Variants in MCM7 observed in about 807,000 individuals in gnomAD.
MCM7 encodes the protein DNA replication licensing factor MCM7.
In MCM7, 95 loss-of-function variants were observed where a neutral mutation model predicts 83.5. The ratio of observed to expected loss-of-function variants is 1.14; its 90% CI spans 0.96 to 1.35. The LOEUF is 1.35. Ranked by LOEUF, MCM7 falls within the 40% of genes most tolerant of loss-of-function variation. The probability of loss-of-function intolerance (pLI) is 0.00; values close to 1 mark genes in which losing one functional copy is unlikely to be tolerated. For missense variants in MCM7, 1,087 were observed against 957.4 expected (o/e 1.14, Z -1.79); for synonymous variants, 461 against 352.7 (o/e 1.31, Z -3.44).
chr7:100,098,814 TGTAA>T (rs1795779784), intron 5 of MCM7, 99 bp from the exon 6 acceptor site: 23 of 1,510,022 alleles, frequency 1.5e-5, no homozygotes, highest in South Asian at 7.1e-5. Flanking sequence ...GCAGACATCT[TGTAA>T]GTGTCAAGAA....
intron 9 of MCM7, 63 bp downstream of exon 9, chr7:100,097,551 G>A (rs1238888925): frequency 5.0e-6 from 8 of 1,609,564 alleles, no homozygotes; most frequent in Non-Finnish European, 6.8e-6. Context: ...AGGGACACTT[G>A]TCATCCTTTT....
chr7:100,093,516 A>C, intron 13 of MCM7, 115 bp from the exon 14 acceptor site: 2 of 934,994 alleles, frequency 2.1e-6, no homozygotes, highest in Non-Finnish European at 3.6e-6. Flanking sequence ...CCTACTCACA[A>C]AACAGGAGTG....
Position 100,099,078 on chromosome 7 carries a change from T to C in MCM7, c.527A>G (p.Lys176Arg). The C allele has an allele frequency of 6.2e-7, 1 of 1,614,210 alleles. No homozygotes were observed. Among genetic ancestry groups the C allele is most frequent in the Non-Finnish European group, 8.5e-7 (1 of 1,180,048 alleles). ...ACAAGTGTAAGTGGCCACCACCATC[T>C]TGGGTTTGACTTCAGAGACACGAGT... is the stretch of plus-strand genomic sequence containing the variant. ...IVTRVSEVKP[K>R]MVVATYTCDQ... Residue 176 changes from lysine (K) to arginine (R), a missense_variant, in exon 5 of 15, where the codon AAG becomes AGG. Transcript: ENST00000303887.
rs1391515309 is a variant in MCM7, at chr7:100,100,103, G to A, written c.32-10C>T. ...AACTTCTTAACCTTTTCTGTAACATGAAATGTAAAACCGTAAGACACAAAC... is the reference window on the plus strand; with the variant it reads ...AACTTCTTAACCTTTTCTGTAACATAAAATGTAAAACCGTAAGACACAAAC... On this transcript the variant is annotated splice_polypyrimidine_tract_variant and intron_variant, in intron 1 of 14. Coordinates refer to ENST00000303887, the MANE Select transcript of MCM7 (RefSeq NM_005916.5). 19 of 1,613,260 alleles carry A rather than the reference G, an allele frequency of 1.2e-5. No individual in the cohort carries two copies. Among genetic ancestry groups the A allele is most frequent in the East Asian group, 2.2e-5 (1 of 44,878 alleles).
At chr7:100,095,498 A>G in intron 11 of MCM7, 28 bp from the exon 12 acceptor site, 1 of 1,607,544 alleles carries the variant, frequency 6.2e-7, no homozygotes, top group Non-Finnish European at 8.5e-7. Flanking sequence ...TAGAAGGAAC[A>G]CCCTTTTTAG....
rs1445688429 is a variant in MCM7, at chr7:100,099,311, C to T, written c.369G>A (p.Gln123=). 6 of 1,613,546 alleles carry T rather than the reference C, an allele frequency of 3.7e-6. No individual in the cohort carries two copies. Among genetic ancestry groups the T allele is most frequent in the African/African-American group, 1.3e-5 (1 of 74,778 alleles). Residue 123 remains glutamine, a synonymous_variant, in exon 4 of 15, where the codon CAG becomes CAA. Coordinates refer to ENST00000303887, the MANE Select transcript of MCM7 (RefSeq NM_005916.5). ...GCATGAGTTCAGCAGGGTACTGGTT[C>T]TGGGGGCTTCGGACCATCCCAGGGT... The part of the protein sequence containing the change: ...SRDPGMVRSP[Q]NQYPAELMRR...
chr7:100,097,658 A>G lies in MCM7; in HGVS notation c.1073T>C (p.Leu358Pro). ...AGGAGACTGGTCCACACCCCCGACT[A>G]GCAGGAGCAGCAGTGCCTTCTTCAC... ...EDVKKALLLL[L>P]VGGVDQSPRG... is the part of the protein sequence containing the mutation. Residue 358 changes from leucine (L) to proline (P), a missense_variant, in exon 9 of 15, where the codon CTA (leucine) becomes CCA (proline). Physicochemically the swap from Leu to Pro is moderately conservative, Grantham distance 98 (BLOSUM62 -3). Coordinates refer to ENST00000303887, the MANE Select transcript of MCM7 (RefSeq NM_005916.5). The G allele has an allele frequency of 6.2e-7, 1 of 1,614,132 alleles. No homozygotes were observed. Among genetic ancestry groups the G allele is most frequent in the Non-Finnish European group, 8.5e-7 (1 of 1,180,032 alleles).
At chr7:100,096,531 G>A (rs545483647) in intron 10 of MCM7, among the ~76,000 whole-genome samples, 6 of 152,178 alleles carry the variant, frequency 3.9e-5, no homozygotes, top group Non-Finnish European at 7.3e-5. Flanking sequence ...CAGCACTTTC[G>A]GAGGCCGATA....
chr7:100,097,977 T>A, intron 7 of MCM7, 29 bp from the exon 8 acceptor site: 1 of 1,602,864 alleles, frequency 6.2e-7, no homozygotes, highest in Non-Finnish European at 8.5e-7. Context: ...AGGATACAGA[T>A]GTAATCCCTT....
chr7:100,099,506 A>G, intron 3 of MCM7, 83 bp downstream of exon 3: 1 of 1,587,562 alleles, frequency 6.3e-7, no homozygotes, highest in South Asian at 1.1e-5. Context: ...CTGCCTGCTC[A>G]GAAAACATCA....
At chr7:100,097,157 T>C in intron 10 of MCM7, 144 bp downstream of exon 10, 1 of 719,472 alleles carries the variant, frequency 1.4e-6, no homozygotes, top group Non-Finnish European at 2.3e-6. Context: ...GGTCTCAAAA[T>C]CCTCGCCTCA....
At chr7:100,097,998 A>G (rs1335439522) in intron 7 of MCM7, 50 bp from the exon 8 acceptor site, 1 of 1,591,254 alleles carries the variant, frequency 6.3e-7, no homozygotes, top group East Asian at 2.2e-5. Flanking sequence ...CAACTTGCCC[A>G]TCACTGGATT....
rs749189763 is a variant in MCM7, at chr7:100,099,418, CAA to C, written c.277-17_277-16del. 0.013 allele frequency: 16,202 copies of C among 1,237,124 alleles called. 1 individual carries two copies. Among genetic ancestry groups the C allele is most frequent in the Non-Finnish European group, 0.014 (13,197 of 960,716 alleles). The allele number at this position is 1,237,124 out of a possible 1,614,324, so 76.6% of individuals were successfully genotyped here. ...TTATTTACCACCTAAAGGAGAAGAA[CAA>C]AAAAAAAAAAAAAAAAGAGCAACAG... On this transcript the variant is annotated splice_polypyrimidine_tract_variant and intron_variant, in intron 3 of 14. Coordinates refer to ENST00000303887, the MANE Select transcript of MCM7 (RefSeq NM_005916.5).
rs750239872 is a variant in MCM7 at position 100,099,689 on chromosome 7, T to G, written c.176A>C (p.Asp59Ala). ...ACAAATTGAGTCCACCAACTCGGGGTCATCCTCGGCTACGTCGTCCAGGTC... is the reference window on the plus strand; with the variant it reads ...ACAAATTGAGTCCACCAACTCGGGGGCATCCTCGGCTACGTCGTCCAGGTC... ...YVDLDDVAED[D>A]PELVDSICEN... is the part of the protein sequence containing the mutation. The change falls in exon 3 of 15, where the codon GAC becomes GCC. Residue 59 changes from aspartate to alanine, a missense_variant. Asp to Ala is a moderately radical substitution (Grantham distance 126). Transcript: ENST00000303887. 1 of 1,614,124 alleles carries G rather than the reference T, an allele frequency of 6.2e-7. No homozygotes were observed. Among genetic ancestry groups the G allele is most frequent in the Non-Finnish European group, 8.5e-7 (1 of 1,180,036 alleles).
In MCM7 at chr7:100,093,065, C is replaced by A; in HGVS notation, c.2027G>T (p.Arg676Leu). ...ACAGCGCTGCTCTGCCTCAGAGAACCGGACACTTCGGCCCCCTGAGACCAG... is the reference window on the plus strand; with the variant it reads ...ACAGCGCTGCTCTGCCTCAGAGAACAGGACACTTCGGCCCCCTGAGACCAG... ...RELVSGGRSV[R>L]FSEAEQRCVS... Residue 676 changes from arginine (R) to leucine (L), a missense_variant, in exon 15 of 15, where the codon CGG becomes CTG. Coordinates refer to ENST00000303887, the MANE Select transcript of MCM7 (RefSeq NM_005916.5). 1.2e-6 allele frequency: 2 copies of A among 1,614,222 alleles called. No homozygotes were observed. Among genetic ancestry groups the A allele is most frequent in the Non-Finnish European group, 1.7e-6 (2 of 1,180,032 alleles).
At chr7:100,093,905 A>G in intron 13 of MCM7, 5 of 685,488 alleles carry the variant, frequency 7.3e-6, no homozygotes, top group South Asian at 2.9e-5. Flanking sequence ...GATCTAGGAC[A>G]CATGGAGTGA....
chr7:100,094,029 C>T (rs72631827), intron 13 of MCM7, 144 bp downstream of exon 13: 23 of 1,038,054 alleles, frequency 2.2e-5, no homozygotes, highest in African/African-American at 7.8e-5. Context: ...TGCGGTAGCA[C>T]GGAGAGGACC....
intron 13 of MCM7, chr7:100,093,910 G>C (rs1385102720): frequency 5.8e-6 from 4 of 689,656 alleles, no homozygotes; most frequent in Non-Finnish European, 1.1e-5. Flanking sequence ...AGGACACATG[G>C]AGTGAAACAG....
At chr7:100,094,643 A>G (rs1032583716) in intron 12 of MCM7, among the ~76,000 whole-genome samples, 12 of 152,234 alleles carry the variant, frequency 7.9e-5, no homozygotes, top group Non-Finnish European at 1.5e-4. Context: ...CTCTGAGCGC[A>G]TGACATGGCA....
Sources: gnomAD v4.1 joint callset for allele counts (sites outside exome capture counted in the v4.1 genomes callset) on GRCh38, gnomAD v4.1.1 for gene constraint, MANE v1.5 for transcripts, NCBI Gene and HGNC (gene_info 2026-07-23, HGNC 2026-07-21) for gene names.